CDH11: variants seen among roughly 807,000 people sequenced by gnomAD.
The protein encoded by CDH11 is cadherin 11, also known as cadherin-11.
Under a neutral mutation model 67.8 loss-of-function variants are expected in CDH11, and 11 were observed. That is an observed-to-expected ratio of 0.16 (90% CI 0.10 to 0.27). The LOEUF is 0.27. Among genes scored for constraint, CDH11 ranks in the 10% least tolerant of loss-of-function variants. CDH11 has a pLI of 1.00. For missense variants in CDH11, 847 were observed against 1,031.2 expected (o/e 0.82, Z 2.45); for synonymous variants, 419 against 400.0 (o/e 1.05, Z -0.57).
intron 5 of CDH11, among the ~76,000 whole-genome samples, chr16:64,992,281 C>A (rs1335735676): frequency 1.3e-5 from 2 of 152,188 alleles, no homozygotes; most frequent in Non-Finnish European, 2.9e-5. Context: ...CCAGCACAAT[C>A]TTCTGTAAGT....
intron 1 of CDH11, among the ~76,000 whole-genome samples, chr16:65,089,261 C>T (rs1204891822): frequency 6.6e-6 from 1 of 152,074 alleles, no homozygotes; most frequent in Non-Finnish European, 1.5e-5. Flanking sequence ...AACTACATTA[C>T]CCTAGACAAG....
chr16:64,971,788 A>T, intron 10 of CDH11, 92 bp from the exon 11 acceptor site: 1 of 1,385,700 alleles, frequency 7.2e-7, no homozygotes, highest in Non-Finnish European at 1.0e-6. Context: ...GCCTGATTTT[A>T]ATTAGAGAAC....
chr16:64,975,102 C>T (rs572954491), intron 8 of CDH11, among the ~76,000 whole-genome samples: 4 of 152,226 alleles, frequency 2.6e-5, no homozygotes, highest in African/African-American at 9.6e-5. Context: ...AGGAACCTGG[C>T]TGAACTGGAA....
intron 1 of CDH11, among the ~76,000 whole-genome samples, chr16:65,088,137 G>A (rs2074733501): frequency 6.6e-6 from 1 of 152,094 alleles, no homozygotes; most frequent in Non-Finnish European, 1.5e-5. Flanking sequence ...GAAGCTTCAG[G>A]GAGCCCCCTT....
intron 2 of CDH11, among the ~76,000 whole-genome samples, chr16:65,023,922 A>G (rs183798810): frequency 6.6e-6 from 1 of 152,176 alleles, no homozygotes; most frequent in Non-Finnish European, 1.5e-5. Flanking sequence ...AACGAGTCCT[A>G]CCCAATCTCC....
At position 64,997,300 on chromosome 16, in the gene CDH11, A is replaced by AAAATAAATAAATAAAT. The variant is rs71143544; in HGVS notation, c.523+1246_523+1261dup. 6.0e-3 allele frequency among the ~76,000 whole-genome samples: 755 copies of AAAATAAATAAATAAAT among 125,140 alleles called. 5 individuals carry two copies. Among genetic ancestry groups the AAAATAAATAAATAAAT allele is most frequent in the African/African-American group, 9.6e-3 (322 of 33,486 alleles). 82.1% of individuals were successfully genotyped at this position (125,140 alleles called of 152,430 possible). A position where few individuals can be genotyped will look rare whatever the true frequency, so the allele number is the denominator to read the frequency against. Reference sequence around the variant, plus strand: ...GAGTAACAGAGGGAGACTCTGTCTCAAAATAAATAAATAAATAAATAAATA... The same window carrying AAAATAAATAAATAAAT: ...GAGTAACAGAGGGAGACTCTGTCTCAAAATAAATAAATAAATAAATAAATAAATAAATAAATAAATA... On this transcript the variant is annotated intron_variant, in intron 4 of 12. Transcript: ENST00000268603.
chr16:65,019,053 G>A (rs1471052207), intron 2 of CDH11, among the ~76,000 whole-genome samples: 1 of 152,118 alleles, frequency 6.6e-6, no homozygotes, highest in Non-Finnish European at 1.5e-5. Flanking sequence ...ACATAATTTG[G>A]AAACACATAC....
intron 7 of CDH11, 84 bp from the exon 8 acceptor site, chr16:64,982,385 G>C: frequency 1.0e-6 from 1 of 989,460 alleles, no homozygotes. Context: ...ATAGGGACGA[G>C]TGAATATTCC....
intron 5 of CDH11, among the ~76,000 whole-genome samples, 164 bp downstream of exon 5, chr16:64,992,751 G>GTGAT (rs1473387127): frequency 6.6e-6 from 1 of 152,252 alleles, no homozygotes; most frequent in African/African-American, 2.4e-5. Context: ...TACTAACTGT[G>GTGAT]TGATAGGCAC....
At chr16:65,122,604 T>G (rs1027590886), upstream of CDH11, among the ~76,000 whole-genome samples, 1 of 152,098 alleles carries the variant, frequency 6.6e-6, no homozygotes, top group African/African-American at 2.4e-5. Context: ...CCACCCCACC[T>G]TCCAAAAATC....
chr16:65,020,802 C>T (rs930609189), intron 2 of CDH11, among the ~76,000 whole-genome samples: 4 of 151,970 alleles, frequency 2.6e-5, no homozygotes, highest in African/African-American at 9.7e-5. Flanking sequence ...TACAAATAGA[C>T]AGAAGAAGAT....
In CDH11 at chr16:64,991,773, G is replaced by T. The variant is rs773517174; in HGVS notation, c.806C>A (p.Pro269Gln). Reference protein sequence around the residue: ...TDVNDNPPKFPQSVYQMSVSE... With the variant: ...TDVNDNPPKFQQSVYQMSVSE... ...AGCCAAGTCCACCTACTTACTCTGC[G>T]GAAACTTTGGTGGGTTGTCATTGAC... Residue 269 changes from proline (P) to glutamine (Q), a missense_variant, in exon 6 of 13, where the codon CCG (proline) becomes CAG (glutamine). This residue lies in a region of CDH11 where 235 missense variants were observed against 352.5 expected (regional missense o/e 0.67). Transcript: ENST00000268603. 1 of 1,612,308 alleles carries T rather than the reference G, an allele frequency of 6.2e-7. No individual in the cohort carries two copies. The highest frequency in any genetic ancestry group is 8.5e-7 in the Non-Finnish European group (1 of 1,178,582).
Position 64,982,317 on chromosome 16 carries a change from A to G in CDH11, c.1000-16T>C, listed in dbSNP as rs370148265. On this transcript the variant is annotated splice_polypyrimidine_tract_variant and intron_variant, in intron 7 of 12. Coordinates refer to ENST00000268603, the MANE Select transcript of CDH11 (RefSeq NM_001797.4). ...AATCTACAGGCTGGCAAGAATGAAG[A>G]GAAGATTGACAACCAATTCCTTGAA... The G allele has an allele frequency of 3.1e-6, 5 of 1,600,924 alleles. No individual in the cohort carries two copies. In the African/African-American group the frequency reaches 6.7e-5, roughly 21 times the overall value.
In CDH11 at chr16:64,957,600, G is replaced by GCACACACACACA. The variant is rs66508762; in HGVS notation, c.1643-6594_1643-6583dup. On this transcript the variant is annotated intron_variant, in intron 11 of 12. Coordinates refer to ENST00000268603, the MANE Select transcript of CDH11 (RefSeq NM_001797.4). ...TATTTCTGTGCCCACACATGCCCGT[G>GCACACACACACA]CACACACACACACACACACACACAC... Among the ~76,000 whole-genome samples, 120 of 145,078 alleles carry GCACACACACACA rather than the reference G, an allele frequency of 8.3e-4. 1 individual carries two copies. The highest frequency in any genetic ancestry group is 2.1e-3 in the African/African-American group (82 of 38,702).
chr16:65,087,638 A>C (rs1338789247), intron 1 of CDH11, among the ~76,000 whole-genome samples: 4 of 152,240 alleles, frequency 2.6e-5, no homozygotes, highest in Non-Finnish European at 5.9e-5. Context: ...CAAGCTGCTC[A>C]GAATGATATT....
intron 11 of CDH11, among the ~76,000 whole-genome samples, chr16:64,954,801 C>A (rs2071461178): frequency 6.6e-6 from 1 of 152,024 alleles, no homozygotes. Flanking sequence ...ACTCTGATCA[C>A]TGATCAAAAA....
intron 11 of CDH11, among the ~76,000 whole-genome samples, chr16:64,966,057 G>A (rs1287430712): frequency 6.6e-6 from 1 of 151,860 alleles, no homozygotes; most frequent in Non-Finnish European, 1.5e-5. Flanking sequence ...ACAGAAAATA[G>A]AATCACATAA....
intron 11 of CDH11, among the ~76,000 whole-genome samples, chr16:64,953,537 C>G (rs939339455): frequency 1.3e-5 from 2 of 151,910 alleles, no homozygotes; most frequent in Non-Finnish European, 2.9e-5. Context: ...ATTATAAAAA[C>G]ATTGCATATA....
At chr16:65,063,274 T>C (rs1220538498) in intron 1 of CDH11, among the ~76,000 whole-genome samples, 2 of 152,156 alleles carry the variant, frequency 1.3e-5, no homozygotes, top group African/African-American at 4.8e-5. Context: ...TTTCTTTTCA[T>C]TTTTTAAATA....
Sources: gnomAD v4.1 joint callset for allele counts (sites outside exome capture counted in the v4.1 genomes callset) on GRCh38, gnomAD v4.1.1 for gene constraint, gnomAD v4.1.1 regional missense constraint, MANE v1.5 for transcripts, NCBI Gene and HGNC (gene_info 2026-07-23, HGNC 2026-07-21) for gene names.